The following SLC44A5 variants were observed in gnomAD, a reference collection of about 807,000 sequenced individuals.
The protein encoded by SLC44A5 is choline transporter-like protein 5.
Under a neutral mutation model 101.8 loss-of-function variants are expected in SLC44A5, and 57 were observed. The observed-to-expected ratio is 0.56, with a 90% CI of 0.45 to 0.70. The LOEUF (loss-of-function observed/expected upper bound fraction) is 0.70, where lower values mean the gene tolerates loss of function less well. Among genes scored for constraint, SLC44A5 ranks in the 30% least tolerant of loss-of-function variants. The pLI is 0.00. For synonymous variants in SLC44A5, 281 were observed against 290.9 expected (o/e 0.97, Z 0.35); for missense variants, 737 against 853.1 (o/e 0.86, Z 1.70).
rs141458840 is a variant in SLC44A5, at chr1:75,258,557, C to T, written c.261-7263G>A. Reference sequence around the variant, plus strand: ...GACTTACAGATAAAACCCCCAACTCCCTGGGACAGAGCACCTGGAGGAAGG... The same window carrying T: ...GACTTACAGATAAAACCCCCAACTCTCTGGGACAGAGCACCTGGAGGAAGG... On this transcript the variant is annotated intron_variant, in intron 6 of 23. Transcript: ENST00000370859. 5.0e-3 allele frequency among the ~76,000 whole-genome samples: 761 copies of T among 152,208 alleles called. 7 individuals are homozygous for T. The highest frequency in any genetic ancestry group is 0.018 in the African/African-American group (740 of 41,512).
chr1:75,485,798 G>C (rs1668119345), intron 2 of SLC44A5, among the ~76,000 whole-genome samples: 9 of 152,154 alleles, frequency 5.9e-5, no homozygotes, highest in Admixed American at 5.9e-4. Context: ...GGAGGCCTCA[G>C]GAAACTTACA....
chr1:75,390,129 A>C (rs889328263), intron 3 of SLC44A5, among the ~76,000 whole-genome samples: 8 of 152,148 alleles, frequency 5.3e-5, no homozygotes, highest in African/African-American at 1.9e-4. Context: ...AACACTGAAC[A>C]GGCCAATAAT....
At chr1:75,396,756 G>A (rs1367488826) in intron 2 of SLC44A5, 135 bp from the exon 3 acceptor site, 1 of 657,144 alleles carries the variant, frequency 1.5e-6, no homozygotes, top group African/African-American at 1.8e-5. Context: ...CAGTTGGACT[G>A]GTTGAAGTAA....
intron 6 of SLC44A5, among the ~76,000 whole-genome samples, chr1:75,260,030 G>A (rs554528784): frequency 2.6e-4 from 39 of 152,178 alleles, no homozygotes; most frequent in African/African-American, 7.2e-4. Context: ...TGAAGGAAGC[G>A]CTAAACATGG....
chr1:75,702,690 A>G, the SLC44A5 span, among the ~76,000 whole-genome samples: 2 of 152,344 alleles, frequency 1.3e-5, no homozygotes, highest in Non-Finnish European at 2.9e-5. Flanking sequence ...GCTTCTGCAC[A>G]GCAAAAGAAA....
intron 5 of SLC44A5, among the ~76,000 whole-genome samples, chr1:75,298,818 G>A (rs1023515666): frequency 6.6e-6 from 1 of 152,094 alleles, no homozygotes; most frequent in East Asian, 1.9e-4. Flanking sequence ...TTATACAATG[G>A]TAGCAAACAA....
At chr1:75,560,769 T>C (rs1409381773) in intron 1 of SLC44A5, among the ~76,000 whole-genome samples, 2 of 152,138 alleles carry the variant, frequency 1.3e-5, no homozygotes, top group Non-Finnish European at 1.5e-5. Flanking sequence ...GGCTTGTCCC[T>C]GAAAAAGATG....
the SLC44A5 span, among the ~76,000 whole-genome samples, chr1:75,632,414 AC>A: frequency 6.6e-6 from 1 of 152,198 alleles, no homozygotes; most frequent in African/African-American, 2.4e-5. Context: ...GTAACATTAA[AC>A]TAAAAATAAT....
intron 2 of SLC44A5, among the ~76,000 whole-genome samples, chr1:75,431,209 A>C (rs1288499390): frequency 6.6e-6 from 1 of 152,212 alleles, no homozygotes; most frequent in African/African-American, 2.4e-5. Flanking sequence ...TGAATATATT[A>C]GTTTCTGGGC....
chr1:75,667,786 A>G, the SLC44A5 span, among the ~76,000 whole-genome samples: 8 of 152,228 alleles, frequency 5.3e-5, no homozygotes, highest in Admixed American at 3.3e-4. Flanking sequence ...GTATTGTTCA[A>G]ATTTTTTTGC....
At chr1:75,623,508 C>T in the SLC44A5 span, among the ~76,000 whole-genome samples, 34 of 152,054 alleles carry the variant, frequency 2.2e-4, no homozygotes, top group Non-Finnish European at 4.1e-4. Flanking sequence ...TATCTGGTTA[C>T]TTTTATATTG....
At chr1:75,440,342 T>A (rs1306072140) in intron 2 of SLC44A5, among the ~76,000 whole-genome samples, 2 of 152,110 alleles carry the variant, frequency 1.3e-5, no homozygotes, top group African/African-American at 4.8e-5. Context: ...AAAAAGATAG[T>A]TATGAAGAAG....
the SLC44A5 span, among the ~76,000 whole-genome samples, chr1:75,669,435 C>G: frequency 1.3e-5 from 2 of 152,140 alleles, no homozygotes. Context: ...GGGACAGCCC[C>G]TAGAGTGTAT....
At chr1:75,451,986 AATTTATAAAT>A (rs1422823784) in intron 2 of SLC44A5, among the ~76,000 whole-genome samples, 1 of 152,172 alleles carries the variant, frequency 6.6e-6, no homozygotes, top group Non-Finnish European at 1.5e-5. Flanking sequence ...TTGAGGAAAT[AATTTATAAAT>A]ATTTCCCTAC....
Position 75,383,600 on chromosome 1 carries a change from G to A in SLC44A5, c.52+12983C>T, listed in dbSNP as rs555161054. 7.1e-4 allele frequency among the ~76,000 whole-genome samples: 108 copies of A among 152,236 alleles called. 1 individual carries two copies. The highest frequency in any genetic ancestry group is 1.9e-3 in the African/African-American group (80 of 41,542). ...TCTGATTGGTGTACCTGAAAGTGAC[G>A]GGGAGAATGGAACCAAGTTGGAAAA... On this transcript the variant is annotated intron_variant, in intron 3 of 23. Transcript: ENST00000370859.
At chr1:75,399,109 G>T (rs1009372640) in intron 2 of SLC44A5, among the ~76,000 whole-genome samples, 3 of 151,842 alleles carry the variant, frequency 2.0e-5, no homozygotes, top group African/African-American at 7.3e-5. Context: ...GGTGGAGGAG[G>T]GGGTAGCAAT....
At chr1:75,216,353 A>C (rs61796523) in intron 18 of SLC44A5, among the ~76,000 whole-genome samples, 5,825 of 151,916 alleles carry the variant, frequency 0.038, 175 homozygotes, top group Non-Finnish European at 0.062. Flanking sequence ...TGTTAATTGG[A>C]ATTTGGGTTG....
intron 2 of SLC44A5, among the ~76,000 whole-genome samples, chr1:75,510,865 G>A (rs762549138): frequency 6.6e-5 from 10 of 152,190 alleles, no homozygotes; most frequent in Non-Finnish European, 1.2e-4. Context: ...ATGGTAGGCC[G>A]GGCGCTGTGG....
At chr1:75,530,090 C>G (rs1036351937) in intron 2 of SLC44A5, among the ~76,000 whole-genome samples, 2 of 151,896 alleles carry the variant, frequency 1.3e-5, no homozygotes, top group African/African-American at 2.4e-5. Context: ...GCTCTGTGGC[C>G]CAGGCTGGAG....
Sources: gnomAD v4.1 joint callset for allele counts (sites outside exome capture counted in the v4.1 genomes callset) on GRCh38, gnomAD v4.1.1 for gene constraint, MANE v1.5 for transcripts, NCBI Gene and HGNC (gene_info 2026-07-23, HGNC 2026-07-21) for gene names.